RNF220: variants seen among roughly 807,000 people sequenced by gnomAD.
The protein encoded by RNF220 is ring finger protein 220, also known as E3 ubiquitin-protein ligase RNF220.
Under a neutral mutation model 67.1 loss-of-function variants are expected in RNF220, and 7 were observed. That is an observed-to-expected ratio of 0.10 (90% CI 0.06 to 0.20). RNF220 has a LOEUF of 0.20. Among genes scored for constraint, RNF220 ranks in the 10% least tolerant of loss-of-function variants. RNF220 has a pLI of 1.00. For synonymous variants in RNF220, 270 were observed against 283.2 expected (o/e 0.95, Z 0.47); for missense variants, 565 against 740.3 (o/e 0.76, Z 2.75).
chr1:44,432,895 C>T (rs1572484351), intron 2 of RNF220, among the ~76,000 whole-genome samples: 2 of 104,408 alleles, frequency 1.9e-5, no homozygotes, highest in African/African-American at 6.9e-5. Context: ...TTCAAATTGG[C>T]TTTTCTTTTT....
At chr1:44,516,682 A>G (rs1020007500) in intron 2 of RNF220, among the ~76,000 whole-genome samples, 4 of 151,986 alleles carry the variant, frequency 2.6e-5, no homozygotes, top group African/African-American at 9.7e-5. Flanking sequence ...ACCAATATTT[A>G]TGGAGTGTCT....
intron 2 of RNF220, among the ~76,000 whole-genome samples, chr1:44,466,461 A>G (rs1259704568): frequency 6.6e-6 from 1 of 152,216 alleles, no homozygotes; most frequent in Non-Finnish European, 1.5e-5. Context: ...AATGGAATCT[A>G]AAATGATGAA....
intron 2 of RNF220, among the ~76,000 whole-genome samples, chr1:44,507,395 A>G (rs748544560): frequency 6.6e-5 from 10 of 152,164 alleles, no homozygotes; most frequent in Admixed American, 1.3e-4. Flanking sequence ...TAACTCATCA[A>G]TAGCGGAAAT....
intron 2 of RNF220, among the ~76,000 whole-genome samples, chr1:44,546,652 T>C (rs929417533): frequency 6.6e-6 from 1 of 151,086 alleles, no homozygotes; most frequent in Non-Finnish European, 1.5e-5. Flanking sequence ...CGAGATGGAG[T>C]GCTTGCTTCA....
chr1:44,551,405 G>A lies in RNF220; in HGVS notation c.626-62760G>A, dbSNP rs547055988. ...GCTGGGATTACAGGCGTGAGCCACC[G>A]TGCCCGGCCATTTTTTTTGTTATTA... On this transcript the variant is annotated intron_variant, in intron 2 of 14. Transcript: ENST00000361799. Among the ~76,000 whole-genome samples, 117 of 75,446 alleles carry A rather than the reference G, an allele frequency of 1.6e-3. 2 individuals carry two copies. The East Asian group carries it at 0.018, about 11-fold the overall frequency. 49.5% of individuals were successfully genotyped at this position (75,446 alleles called of 152,430 possible). A position where few individuals can be genotyped will look rare whatever the true frequency, so the allele number is the denominator to read the frequency against.
chr1:44,494,223 G>T (rs929293675), intron 2 of RNF220, among the ~76,000 whole-genome samples: 99 of 86,612 alleles, frequency 1.1e-3, no homozygotes, highest in African/African-American at 4.0e-3. Flanking sequence ...AAAAAAAAAA[G>T]AATCATGAGG....
At chr1:44,568,155 G>A (rs964475960) in intron 2 of RNF220, among the ~76,000 whole-genome samples, 1 of 152,130 alleles carries the variant, frequency 6.6e-6, no homozygotes, top group Non-Finnish European at 1.5e-5. Context: ...CAATGTAGGT[G>A]ACACTGTGCC....
intron 2 of RNF220, among the ~76,000 whole-genome samples, chr1:44,504,675 T>C (rs1385374197): frequency 6.6e-6 from 1 of 152,200 alleles, no homozygotes; most frequent in East Asian, 1.9e-4. Context: ...TGTAAGCAGC[T>C]TCTGATACCT....
At chr1:44,517,131 G>C (rs986875029) in intron 2 of RNF220, among the ~76,000 whole-genome samples, 1 of 152,096 alleles carries the variant, frequency 6.6e-6, no homozygotes, top group African/African-American at 2.4e-5. Context: ...CCAGGCATCA[G>C]CATCTGTCCT....
rs1490039238 is a variant in RNF220 at position 44,527,815 on chromosome 1, A to G, written c.626-86350A>G. Among the ~76,000 whole-genome samples, 5 of 148,810 alleles carry G rather than the reference A, an allele frequency of 3.4e-5. No individual in the cohort carries two copies. The Admixed American group carries it at 3.4e-4, about 10-fold the overall frequency. On this transcript the variant is annotated intron_variant, in intron 2 of 14. Transcript: ENST00000361799. ...GTGGCAGGCACCTGTAGTCCCAGCT[A>G]CTTGAGAGGCTGAGGCAGGAGAATC... is the stretch of plus-strand genomic sequence containing the variant.
chr1:44,443,470 C>T (rs867890671), intron 2 of RNF220, among the ~76,000 whole-genome samples: 2 of 152,132 alleles, frequency 1.3e-5, no homozygotes, highest in Admixed American at 6.5e-5. Flanking sequence ...CAGTTCATTC[C>T]GTATACCCTA....
At chr1:44,557,234 G>A (rs1207276196) in intron 2 of RNF220, among the ~76,000 whole-genome samples, 1 of 148,334 alleles carries the variant, frequency 6.7e-6, no homozygotes, top group Non-Finnish European at 1.5e-5. Flanking sequence ...GAAACTGTTT[G>A]TGTTGGCTGG....
chr1:44,602,074 G>A (rs1666961047), intron 2 of RNF220, among the ~76,000 whole-genome samples: 2 of 152,142 alleles, frequency 1.3e-5, no homozygotes, highest in South Asian at 4.1e-4. Flanking sequence ...GTCTTTGAGA[G>A]GGCTTGGGGG....
intron 2 of RNF220, among the ~76,000 whole-genome samples, chr1:44,451,350 T>C (rs1399019142): frequency 6.6e-6 from 1 of 152,198 alleles, no homozygotes; most frequent in African/African-American, 2.4e-5. Context: ...TATTGTTCTT[T>C]TATAGATTTT....
chr1:44,538,808 C>T (rs965783176), intron 2 of RNF220, among the ~76,000 whole-genome samples: 5 of 149,494 alleles, frequency 3.3e-5, no homozygotes, highest in Non-Finnish European at 7.4e-5. Flanking sequence ...CCCAGCTACT[C>T]GGGAGGCTGA....
intron 2 of RNF220, among the ~76,000 whole-genome samples, chr1:44,554,025 A>G (rs775474915): frequency 8.5e-5 from 13 of 152,212 alleles, no homozygotes; most frequent in Non-Finnish European, 1.9e-4. Flanking sequence ...TCGTTCTCTA[A>G]TGTCCTCCAT....
chr1:44,576,209 A>G (rs774240221), intron 2 of RNF220, among the ~76,000 whole-genome samples: 2 of 152,218 alleles, frequency 1.3e-5, no homozygotes, highest in Non-Finnish European at 2.9e-5. Context: ...TTTGATCCTT[A>G]TAGCAGTTTC....
rs561659367 is a variant in RNF220, at chr1:44,649,377, G to A, written c.1446-284G>A. 136 of 488,830 alleles carry A rather than the reference G, an allele frequency of 2.8e-4. No individual in the cohort carries two copies. The highest frequency in any genetic ancestry group is 2.4e-3 in the African/African-American group (125 of 51,478). The allele number at this position is 488,830 out of a possible 1,614,324, so 30.3% of individuals were successfully genotyped here. A position where few individuals can be genotyped will look rare whatever the true frequency, so the allele number is the denominator to read the frequency against. Reference sequence around the variant, plus strand: ...GAGAGATGCCGGAGATACTAGGAGAGATGACAGATTTGGGTGGTTGGGAAG... The same window carrying A: ...GAGAGATGCCGGAGATACTAGGAGAAATGACAGATTTGGGTGGTTGGGAAG... On this transcript the variant is annotated intron_variant, in intron 12 of 14. Transcript: ENST00000361799. This position sits in a 1 kb window ranked among gnomAD's most constrained non-coding sequence, Gnocchi z 5.9.
Position 44,520,238 on chromosome 1 carries a change from G to A in RNF220, c.626-93927G>A, listed in dbSNP as rs540287726. ...AGCACTTGGGGAGGCCAAGAAAGGC[G>A]GATCACGAGGTCAGGAGATCGAGAC... On this transcript the variant is annotated intron_variant, in intron 2 of 14. Coordinates refer to ENST00000361799, the MANE Select transcript of RNF220 (RefSeq NM_018150.4). 2.9e-4 allele frequency among the ~76,000 whole-genome samples: 44 copies of A among 152,014 alleles called. No homozygotes were observed. In the South Asian group the frequency reaches 4.8e-3, roughly 17 times the overall value.
Sources: gnomAD v4.1 joint callset for allele counts (sites outside exome capture counted in the v4.1 genomes callset) on GRCh38, gnomAD v4.1.1 for gene constraint, Gnocchi (gnomAD v3.1) non-coding constraint, MANE v1.5 for transcripts, NCBI Gene and HGNC (gene_info 2026-07-23, HGNC 2026-07-21) for gene names.